Variants in NWD1 observed in about 807,000 individuals in gnomAD.
The protein encoded by NWD1 is NACHT domain- and WD repeat-containing protein 1.
Under a neutral mutation model 135.1 loss-of-function variants are expected in NWD1, and 129 were observed. The observed-to-expected ratio is 0.96, with a 90% confidence interval of 0.83 to 1.11. The LOEUF (loss-of-function observed/expected upper bound fraction) is 1.11, where lower values mean the gene tolerates loss of function less well. Among genes scored for constraint, NWD1 ranks in the 50% least tolerant of loss-of-function variants. The pLI is 0.00. For synonymous variants in NWD1, 773 were observed against 786.0 expected (o/e 0.98, Z 0.28); for missense variants, 1,740 against 1,851.3 (o/e 0.94, Z 1.10).
chr19:16,733,101 G>T (rs981121631), intron 3 of NWD1, among the ~76,000 whole-genome samples: 14 of 151,970 alleles, frequency 9.2e-5, no homozygotes, highest in Admixed American at 5.3e-4. Flanking sequence ...CCCACCTGTA[G>T]TCCCAGCTAC....
At chr19:16,724,856 C>A (rs1437665755) in intron 2 of NWD1, among the ~76,000 whole-genome samples, 1 of 151,708 alleles carries the variant, frequency 6.6e-6, no homozygotes, top group Non-Finnish European at 1.5e-5. Context: ...CCATACCCAG[C>A]TAATTTTTTG....
intron 10 of NWD1, among the ~76,000 whole-genome samples, chr19:16,769,834 C>CTTTTTCT (rs1285600483): frequency 7.2e-5 from 11 of 152,140 alleles, no homozygotes; most frequent in African/African-American, 2.7e-4. Context: ...TGTCTTGGCT[C>CTTTTTCT]TTTTTCTTTT....
rs370933889 is a variant in NWD1 at position 16,789,202 on chromosome 19, A to G, written c.2940+12A>G. ...CATCTGGCTCAAAGGTAACAAACAT[A>G]TGCCCTGTTTGTAAAGGAAAGCTGA... On this transcript the variant is annotated intron_variant, in intron 13 of 18. Transcript: ENST00000524140. 5.0e-6 allele frequency: 8 copies of G among 1,597,092 alleles called. No individual in the cohort carries two copies. Among genetic ancestry groups the G allele is most frequent in the African/African-American group, 1.3e-5 (1 of 74,550 alleles).
chr19:16,810,316 T>C (rs546802405), intron 18 of NWD1, among the ~76,000 whole-genome samples: 1 of 150,888 alleles, frequency 6.6e-6, no homozygotes, highest in South Asian at 2.1e-4. Flanking sequence ...TATGTGCCTG[T>C]AATCCCGGCT....
At chr19:16,785,240 G>A (rs912947929) in intron 12 of NWD1, among the ~76,000 whole-genome samples, 13 of 152,124 alleles carry the variant, frequency 8.5e-5, no homozygotes, top group Admixed American at 2.0e-4. Context: ...GGCCAGGCGC[G>A]GTGGCTCACG....
At chr19:16,814,831 C>T (rs543755904) in intron 18 of NWD1, among the ~76,000 whole-genome samples, 197 bp from the exon 19 acceptor site, 4 of 152,262 alleles carry the variant, frequency 2.6e-5, no homozygotes, top group Admixed American at 2.0e-4. Context: ...AAAAATCGCC[C>T]TGAGCAGGTG....
In NWD1 at chr19:16,807,883, C is replaced by A; in HGVS notation, c.4034C>A (p.Thr1345Asn). ...GATGGGCCAAGATACACCTTTTACACTCAGCTGCCCGAGACCCTCTCCAGC... is the reference window on the plus strand; with the variant it reads ...GATGGGCCAAGATACACCTTTTACAATCAGCTGCCCGAGACCCTCTCCAGC... Reference protein sequence around the residue: ...VIDGPRYTFYTQLPETLSSVA... With the variant: ...VIDGPRYTFYNQLPETLSSVA... Residue 1345 changes from threonine to asparagine, a missense_variant, in exon 18 of 19, where the codon ACT becomes AAT. By Grantham distance (65) the Thr-to-Asn change is moderately conservative. Coordinates refer to ENST00000524140, the MANE Select transcript of NWD1 (RefSeq NM_001007525.5). The A allele has an allele frequency of 6.2e-7, 1 of 1,614,246 alleles. No homozygotes were observed. The highest frequency in any genetic ancestry group is 8.5e-7 in the Non-Finnish European group (1 of 1,180,040).
intron 6 of NWD1, among the ~76,000 whole-genome samples, chr19:16,752,672 C>T (rs1968625635): frequency 1.3e-5 from 2 of 152,020 alleles, no homozygotes; most frequent in Admixed American, 1.3e-4. Context: ...GGGACATATC[C>T]CAGATTTCCC....
chr19:16,764,402 TCTAA>T (rs887198415), intron 9 of NWD1, among the ~76,000 whole-genome samples: 5 of 138,550 alleles, frequency 3.6e-5, no homozygotes, highest in South Asian at 2.4e-4. Context: ...CATCCATCCA[TCTAA>T]CTATCCATTT....
chr19:16,788,232 AAATAATAATAAT>A (rs200511332), intron 12 of NWD1, among the ~76,000 whole-genome samples: 2,288 of 115,390 alleles, frequency 0.02, 54 homozygotes, highest in African/African-American at 0.058. Flanking sequence ...CTTCATCTCA[AAATAATAATAAT>A]AATAATAATA....
intron 6 of NWD1, among the ~76,000 whole-genome samples, chr19:16,758,895 T>C (rs1308611032): frequency 6.7e-6 from 1 of 149,176 alleles, no homozygotes; most frequent in Non-Finnish European, 1.5e-5. Context: ...TCCCAGCTAC[T>C]CAGGAGACTG....
At chr19:16,751,893 AAGAG>A (rs1968596535) in intron 6 of NWD1, among the ~76,000 whole-genome samples, 2 of 151,600 alleles carry the variant, frequency 1.3e-5, no homozygotes, top group Non-Finnish European at 2.9e-5. Flanking sequence ...GAAAGAAAGA[AAGAG>A]AAAGAGAGAA....
chr19:16,745,167 A>G, intron 5 of NWD1: 1 of 424,434 alleles, frequency 2.4e-6, no homozygotes, highest in Non-Finnish European at 4.7e-6. Flanking sequence ...AGTGAGAGCC[A>G]AGCGAAAGGG....
At chr19:16,765,226 G>A in intron 10 of NWD1, 34 bp downstream of exon 10, 2 of 1,595,194 alleles carry the variant, frequency 1.3e-6, no homozygotes, top group Non-Finnish European at 1.7e-6. Flanking sequence ...GAGTGACCAG[G>A]ACGGGCACTG....
At chr19:16,777,697 G>A (rs1477916682) in intron 11 of NWD1, among the ~76,000 whole-genome samples, 1 of 38,072 alleles carries the variant, frequency 2.6e-5, no homozygotes, top group African/African-American at 1.4e-4. Flanking sequence ...GAAAGGGGAG[G>A]GAAGGGAAGG....
At position 16,742,815 on chromosome 19, in the gene NWD1, C is replaced by T. The variant is rs184986554; in HGVS notation, c.199-1606C>T. ...GCTCCCGAGCAGCTGGGACTACAGG[C>T]ATGTGCCACCATGCCTGGCTATTTT... On this transcript the variant is annotated intron_variant, in intron 4 of 18. Coordinates refer to ENST00000524140, the MANE Select transcript of NWD1 (RefSeq NM_001007525.5). Among the ~76,000 whole-genome samples the T allele has an allele frequency of 6.8e-4, 103 of 151,398 alleles. 1 individual carries two copies. Among genetic ancestry groups the T allele is most frequent in the South Asian group, 5.0e-3 (24 of 4,782 alleles).
intron 5 of NWD1, among the ~76,000 whole-genome samples, chr19:16,746,271 G>A (rs1968310719): frequency 2.0e-5 from 3 of 151,568 alleles, no homozygotes; most frequent in Admixed American, 2.0e-4. Context: ...GACGTGGGAG[G>A]ATTGCGTCAG....
Position 16,795,451 on chromosome 19 carries a change from C to T in NWD1, c.3304+898C>T, listed in dbSNP as rs79793193. ...TTTTTTTTTGAGACCGAGTCTCGCTCTATTGCGTAGGCTGTAGTGCAGTGG... is the reference window on the plus strand; with the variant it reads ...TTTTTTTTTGAGACCGAGTCTCGCTTTATTGCGTAGGCTGTAGTGCAGTGG... On this transcript the variant is annotated intron_variant, in intron 15 of 18. Coordinates refer to ENST00000524140, the MANE Select transcript of NWD1 (RefSeq NM_001007525.5). Among the ~76,000 whole-genome samples the T allele has an allele frequency of 1.6e-4, 23 of 146,596 alleles. No homozygotes were observed. The East Asian group carries it at 4.0e-3, about 25-fold the overall frequency.
At position 16,727,951 on chromosome 19, in the gene NWD1, A is replaced by G. The variant is rs147373236; in HGVS notation, c.-6-3241A>G. 1.2e-3 allele frequency among the ~76,000 whole-genome samples: 189 copies of G among 152,116 alleles called. 2 individuals are homozygous for G. The highest frequency in any genetic ancestry group is 3.4e-3 in the Middle Eastern group (1 of 294). Reference sequence around the variant, plus strand: ...GTGGTGGGTGCCTGTAATCCCAGCTACTTGAGAGGCTGAGGCAGGAGAATC... The same window carrying G: ...GTGGTGGGTGCCTGTAATCCCAGCTGCTTGAGAGGCTGAGGCAGGAGAATC... On this transcript the variant is annotated intron_variant, in intron 2 of 18. Transcript: ENST00000524140.
Sources: allele counts gnomAD v4.1 joint callset (sites outside exome capture counted in the v4.1 genomes callset), GRCh38; gene constraint gnomAD v4.1.1; transcripts MANE v1.5; gene names NCBI Gene and HGNC (gene_info 2026-07-23, HGNC 2026-07-21).